Variants in SORCS2 observed in about 807,000 individuals in gnomAD.
The protein encoded by SORCS2 is sortilin related VPS10 domain containing receptor 2, also known as VPS10 domain-containing receptor SorCS2.
SORCS2 carries 100 observed loss-of-function variants against 141.6 expected under a neutral mutation model. The observed-to-expected ratio is 0.71, with a 90% CI of 0.60 to 0.83. The LOEUF (loss-of-function observed/expected upper bound fraction) is 0.83, where lower values mean the gene tolerates loss of function less well. Among genes scored for constraint, SORCS2 ranks in the 40% least tolerant of loss-of-function variants. The pLI, the probability that SORCS2 is intolerant of heterozygous loss-of-function variation, is 0.00. For missense variants in SORCS2, 1,646 were observed against 1,560.2 expected (o/e 1.05, Z -0.93); for synonymous variants, 789 against 676.9 (o/e 1.17, Z -2.57).
In SORCS2 at chr4:7,251,154, G is replaced by T. The variant is rs111357038; in HGVS notation, c.480+58028G>T. ...TCAAAGTAGCATGAGAAGAAAAGAG[G>T]ACTATATATGACTTTGCATCATGGA... On this transcript the variant is annotated intron_variant, in intron 1 of 26. Coordinates refer to ENST00000507866, the MANE Select transcript of SORCS2 (RefSeq NM_020777.3). Among the ~76,000 whole-genome samples the T allele has an allele frequency of 7.0e-3, 1,066 of 152,310 alleles. 9 individuals are homozygous for T. The highest frequency in any genetic ancestry group is 0.024 in the African/African-American group (1,016 of 41,564).
chr4:7,660,590 C>A (rs112342465), intron 5 of SORCS2, among the ~76,000 whole-genome samples: 1 of 152,134 alleles, frequency 6.6e-6, no homozygotes, highest in African/African-American at 2.4e-5. Flanking sequence ...GCAGTGTGTG[C>A]GGTCTGAGGA....
rs78486774 is a variant in SORCS2, at chr4:7,273,440, C to T, written c.480+80314C>T. On this transcript the variant is annotated intron_variant, in intron 1 of 26. Transcript: ENST00000507866. ...TTGCTGGAGGGCTGCTTCTGGAACA[C>T]GGGTGTCTGCCAGGAGTGGGCTGAG... Among the ~76,000 whole-genome samples, 506 of 152,250 alleles carry T rather than the reference C, an allele frequency of 3.3e-3. 6 individuals carry two copies. Among genetic ancestry groups the T allele is most frequent in the African/African-American group, 0.011 (470 of 41,542 alleles).
At chr4:7,282,033 G>T (rs948594446) in intron 1 of SORCS2, among the ~76,000 whole-genome samples, 1 of 152,168 alleles carries the variant, frequency 6.6e-6, no homozygotes, top group Admixed American at 6.5e-5. Flanking sequence ...TAAGGGGAAG[G>T]GGAACCTCAC....
chr4:7,680,807 G>A (rs2108963972), intron 9 of SORCS2, among the ~76,000 whole-genome samples: 1 of 152,260 alleles, frequency 6.6e-6, no homozygotes, highest in African/African-American at 2.4e-5. Flanking sequence ...CACATCCAAT[G>A]AAGGCAGCCC....
At chr4:7,433,913 G>T in intron 2 of SORCS2, 1 of 1,613,826 alleles carries the variant, frequency 6.2e-7, no homozygotes, top group Non-Finnish European at 8.5e-7. Context: ...GAGCACACGC[G>T]CTCCAGGGCA....
chr4:7,434,028 G>C (rs560160670), intron 2 of SORCS2: 1 of 1,611,432 alleles, frequency 6.2e-7, no homozygotes, highest in Non-Finnish European at 8.5e-7. Flanking sequence ...TCTGCATCTC[G>C]CTCTGTTTCC....
At chr4:7,371,687 G>T (rs1722257952) in intron 1 of SORCS2, among the ~76,000 whole-genome samples, 1 of 152,168 alleles carries the variant, frequency 6.6e-6, no homozygotes, top group African/African-American at 2.4e-5. Context: ...ACTTGTGGAT[G>T]AACTGAGCTG....
At chr4:7,472,885 C>A (rs921537179) in intron 2 of SORCS2, among the ~76,000 whole-genome samples, 16 of 151,422 alleles carry the variant, frequency 1.1e-4, no homozygotes, top group Non-Finnish European at 1.9e-4. Context: ...GAAGAAATCA[C>A]AGCCTGAGTG....
At chr4:7,710,318 A>G (rs1440211150) in intron 14 of SORCS2, among the ~76,000 whole-genome samples, 1 of 152,156 alleles carries the variant, frequency 6.6e-6, no homozygotes, top group Non-Finnish European at 1.5e-5. Context: ...CCTCAGCCTC[A>G]GTTTCCTTGT....
chr4:7,527,260 C>A (rs1435755282), intron 2 of SORCS2, among the ~76,000 whole-genome samples: 2 of 152,226 alleles, frequency 1.3e-5, no homozygotes, highest in African/African-American at 4.8e-5. Flanking sequence ...CGTCCTAATC[C>A]CCGGAAACTG....
intron 23 of SORCS2, among the ~76,000 whole-genome samples, chr4:7,729,981 G>A (rs568578969): frequency 3.3e-5 from 5 of 152,234 alleles, no homozygotes; most frequent in South Asian, 4.1e-4. Flanking sequence ...TTCTTCTCCC[G>A]TGTCATTGGC....
intron 3 of SORCS2, among the ~76,000 whole-genome samples, chr4:7,539,019 C>A (rs1158369431): frequency 6.6e-6 from 1 of 152,212 alleles, no homozygotes; most frequent in Non-Finnish European, 1.5e-5. Context: ...GCTCATGGGC[C>A]ATTGCACAGG....
intron 1 of SORCS2, among the ~76,000 whole-genome samples, chr4:7,395,160 G>C (rs117281783): frequency 0.038 from 5,297 of 140,756 alleles, 148 homozygotes; most frequent in Admixed American, 0.049. Flanking sequence ...GTCCCATCTC[G>C]GGCAACAGCC....
At chr4:7,682,948 A>C (rs1723622178) in intron 10 of SORCS2, 59 bp downstream of exon 10, 1 of 1,568,100 alleles carries the variant, frequency 6.4e-7, no homozygotes. Context: ...ATATAACTTC[A>C]GTAATCAAGA....
chr4:7,357,951 C>T (rs369212179), intron 1 of SORCS2, among the ~76,000 whole-genome samples: 1 of 152,152 alleles, frequency 6.6e-6, no homozygotes, highest in African/African-American at 2.4e-5. Context: ...GGTTTGAGGC[C>T]ATTTGCAGGT....
intron 8 of SORCS2, among the ~76,000 whole-genome samples, chr4:7,672,411 T>G (rs1361236646): frequency 6.6e-6 from 1 of 152,206 alleles, no homozygotes; most frequent in Admixed American, 6.5e-5. Flanking sequence ...TTGATGAAGG[T>G]GTTGGTTCAT....
At position 7,714,381 on chromosome 4, in the gene SORCS2, A is replaced by G; in HGVS notation, c.2123+8A>G. ...GGACTCGGACTTCCTGTGGTGAGCG[A>G]CGGGCTCCTGGCCACGAGGCCTCAG... is the stretch of plus-strand genomic sequence containing the variant. On this transcript the variant is annotated splice_region_variant and intron_variant, in intron 16 of 26. Transcript: ENST00000507866. 6.5e-7 allele frequency: 1 copy of G among 1,550,010 alleles called. No homozygotes were observed. The highest frequency in any genetic ancestry group is 1.2e-5 in the South Asian group (1 of 84,048).
In SORCS2 at chr4:7,481,990, T is replaced by C. The variant is rs868051713; in HGVS notation, c.549-49540T>C. On this transcript the variant is annotated intron_variant, in intron 2 of 26. Transcript: ENST00000507866. Reference sequence around the variant, plus strand: ...ACGCTGTTCAGACCTGTATCCCCACTGCGGACACCCCTGGCTGCTGTTCAG... The same window carrying C: ...ACGCTGTTCAGACCTGTATCCCCACCGCGGACACCCCTGGCTGCTGTTCAG... Among the ~76,000 whole-genome samples the C allele has an allele frequency of 3.9e-3, 339 of 85,832 alleles. 3 individuals carry two copies. Among genetic ancestry groups the C allele is most frequent in the African/African-American group, 0.012 (292 of 23,572 alleles). The allele number at this position is 85,832 out of a possible 152,430, so 56.3% of individuals were successfully genotyped here.
intron 1 of SORCS2, among the ~76,000 whole-genome samples, chr4:7,374,872 G>A (rs918124518): frequency 2.6e-5 from 4 of 152,210 alleles, no homozygotes; most frequent in East Asian, 1.9e-4. Context: ...CCTGTGCTGG[G>A]TGTGTGGTCT....
Sources: allele counts gnomAD v4.1 joint callset (sites outside exome capture counted in the v4.1 genomes callset), GRCh38; gene constraint gnomAD v4.1.1; transcripts MANE v1.5; gene names NCBI Gene and HGNC (gene_info 2026-07-23, HGNC 2026-07-21).